DGKB: variants seen among roughly 807,000 people sequenced by gnomAD.
The protein encoded by DGKB is 90 kDa diacylglycerol kinase.
DGKB carries 67 observed loss-of-function variants against 114.3 expected under a neutral mutation model. That is an observed-to-expected ratio of 0.59 (90% CI 0.48 to 0.72). The LOEUF is 0.72. Ranked by LOEUF, DGKB falls within the 30% of genes least tolerant of loss-of-function variation. The probability of loss-of-function intolerance (pLI) is 0.00; values close to 1 mark genes in which losing one functional copy is unlikely to be tolerated. For synonymous variants in DGKB, 398 were observed against 323.1 expected (o/e 1.23, Z -2.49); for missense variants, 907 against 975.2 (o/e 0.93, Z 0.93).
chr7:14,509,874 C>T (rs1459644941), intron 20 of DGKB, among the ~76,000 whole-genome samples: 2 of 152,126 alleles, frequency 1.3e-5, no homozygotes, highest in African/African-American at 4.8e-5. Context: ...TTTCCCACTG[C>T]AAATAAAAGT....
chr7:14,510,985 C>T (rs1467624926), intron 20 of DGKB, among the ~76,000 whole-genome samples: 2 of 152,276 alleles, frequency 1.3e-5, no homozygotes, highest in East Asian at 1.9e-4. Context: ...TGTAAACAAA[C>T]GTGCTTCTAT....
intron 1 of DGKB, among the ~76,000 whole-genome samples, chr7:14,902,203 C>A (rs1405123197): frequency 6.6e-6 from 1 of 152,166 alleles, no homozygotes; most frequent in Non-Finnish European, 1.5e-5. Context: ...GAACTTGTAA[C>A]AATTAACTAG....
intron 21 of DGKB, among the ~76,000 whole-genome samples, chr7:14,361,214 A>C (rs1012043739): frequency 6.6e-6 from 1 of 152,108 alleles, no homozygotes; most frequent in African/African-American, 2.4e-5. Flanking sequence ...TGAAAATGCC[A>C]ATCACCTTAA....
chr7:14,526,533 T>C (rs73682425), intron 20 of DGKB, among the ~76,000 whole-genome samples: 3,045 of 152,170 alleles, frequency 0.02, 86 homozygotes, highest in African/African-American at 0.07. Context: ...ATAAAAGATT[T>C]TGAGAAAGGC....
chr7:14,953,016 G>C (rs1009278044), intron 1 of DGKB, among the ~76,000 whole-genome samples: 1 of 151,802 alleles, frequency 6.6e-6, no homozygotes, highest in African/African-American at 2.4e-5. Context: ...CAAAAGTATG[G>C]AATTAGACCC....
chr7:14,901,124 C>A (rs577333314), intron 1 of DGKB, among the ~76,000 whole-genome samples: 46 of 152,212 alleles, frequency 3.0e-4, no homozygotes, highest in Non-Finnish European at 5.1e-4. Context: ...TGGCATGGAT[C>A]GCCTATAACA....
chr7:14,554,388 T>G (rs571473504), intron 20 of DGKB, among the ~76,000 whole-genome samples: 17 of 152,304 alleles, frequency 1.1e-4, no homozygotes, highest in African/African-American at 3.4e-4. Flanking sequence ...AATTTAATGT[T>G]AAATTTTGGG....
chr7:14,758,958 C>T (rs182528592), intron 2 of DGKB, among the ~76,000 whole-genome samples: 2 of 144,354 alleles, frequency 1.4e-5, no homozygotes, highest in East Asian at 4.0e-4. Flanking sequence ...GAGTTTCGCT[C>T]TTGTTACCCA....
At chr7:14,929,545 T>C (rs1784902111) in intron 1 of DGKB, among the ~76,000 whole-genome samples, 1 of 152,094 alleles carries the variant, frequency 6.6e-6, no homozygotes, top group South Asian at 2.1e-4. Context: ...CTATTCATCT[T>C]ATTTGCCTAC....
At chr7:14,903,517 C>T (rs7788182), upstream of DGKB, among the ~76,000 whole-genome samples, 10,166 of 152,090 alleles carry the variant, frequency 0.067, 461 homozygotes, top group Admixed American at 0.16. Context: ...ATATGATACC[C>T]GTCTCCCCTC....
At chr7:14,815,046 C>T (rs894770560) in intron 2 of DGKB, 9 of 151,966 alleles carry the variant, frequency 5.9e-5, no homozygotes, top group Non-Finnish European at 1.0e-4. Context: ...TGAAATATTA[C>T]GAATTGTGAA....
At chr7:14,450,702 T>G (rs1831363018) in intron 21 of DGKB, among the ~76,000 whole-genome samples, 1 of 152,118 alleles carries the variant, frequency 6.6e-6, no homozygotes, top group Admixed American at 6.6e-5. Context: ...TTCATCATTC[T>G]GTGCCATGGA....
chr7:14,295,687 C>T (rs1208342281), intron 23 of DGKB, among the ~76,000 whole-genome samples: 1 of 152,022 alleles, frequency 6.6e-6, no homozygotes, highest in Non-Finnish European at 1.5e-5. Context: ...CTCCATCCAC[C>T]TGGTTCCAAG....
intron 20 of DGKB, among the ~76,000 whole-genome samples, chr7:14,487,113 G>A (rs1783932602): frequency 6.6e-6 from 1 of 152,120 alleles, no homozygotes; most frequent in Admixed American, 6.5e-5. Flanking sequence ...CACTTTCCAT[G>A]AAATGACTCC....
intron 13 of DGKB, among the ~76,000 whole-genome samples, chr7:14,652,682 GC>G (rs772688644): frequency 2.0e-5 from 3 of 149,354 alleles, no homozygotes; most frequent in Non-Finnish European, 3.0e-5. Flanking sequence ...CTTCTGCACA[GC>G]AAAAGAAACT....
intron 25 of DGKB, among the ~76,000 whole-genome samples, chr7:14,175,518 A>G (rs1229487033): frequency 6.6e-6 from 1 of 152,078 alleles, no homozygotes. Flanking sequence ...CTTTGATTTT[A>G]CTTCCCTGCT....
At chr7:14,186,491 C>T (rs1320529602) in intron 23 of DGKB, among the ~76,000 whole-genome samples, 1 of 152,112 alleles carries the variant, frequency 6.6e-6, no homozygotes, top group Non-Finnish European at 1.5e-5. Flanking sequence ...GTAGAACTAC[C>T]ATTTGATCTA....
At chr7:14,462,379 C>G (rs1833213574) in intron 21 of DGKB, among the ~76,000 whole-genome samples, 1 of 152,140 alleles carries the variant, frequency 6.6e-6, no homozygotes, top group African/African-American at 2.4e-5. Context: ...CCCCAAATCT[C>G]CTTAAGCTGA....
intron 1 of DGKB, among the ~76,000 whole-genome samples, chr7:14,865,011 A>G (rs1027932602): frequency 6.6e-6 from 1 of 152,188 alleles, no homozygotes; most frequent in Non-Finnish European, 1.5e-5. Context: ...GAGTAGACGC[A>G]AAAGTCACAG....
Sources: gnomAD v4.1 joint callset for allele counts (sites outside exome capture counted in the v4.1 genomes callset) on GRCh38, gnomAD v4.1.1 for gene constraint, MANE v1.5 for transcripts, NCBI Gene and HGNC (gene_info 2026-07-23, HGNC 2026-07-21) for gene names.